The following C16orf96 variants were observed in gnomAD, a reference collection of about 807,000 sequenced individuals.
The protein encoded by C16orf96 is uncharacterized protein C16orf96.
In C16orf96, 108 loss-of-function variants were observed where a neutral mutation model predicts 103.6. The ratio of observed to expected loss-of-function variants is 1.04; its 90% confidence interval spans 0.89 to 1.22. The LOEUF is 1.22. Ranked by LOEUF, C16orf96 falls within the 50% of genes most tolerant of loss-of-function variation. C16orf96 has a pLI of 0.00. For missense variants in C16orf96, 1,586 were observed against 1,464.2 expected, an observed-to-expected ratio of 1.08 and a Z score of -1.36; for synonymous variants, 566 against 593.5, an observed-to-expected ratio of 0.95 and a Z score of 0.67.
At chr16:4,583,785 C>T (rs975078125) in intron 7 of C16orf96, among the ~76,000 whole-genome samples, 1 of 150,698 alleles carries the variant, frequency 6.6e-6, no homozygotes, top group African/African-American at 2.4e-5. Flanking sequence ...ATTAGCCAGG[C>T]GTGGTGGCGC....
chr16:4,600,067 C>T (rs1418616709), intron 15 of C16orf96, 33 bp from the exon 16 acceptor site: 2 of 1,531,908 alleles, frequency 1.3e-6, no homozygotes, highest in East Asian at 2.4e-5. Context: ...AGGTTCTTGG[C>T]ACACATCTAG....
chr16:4,548,216 G>C, the C16orf96 span, among the ~76,000 whole-genome samples: 2 of 152,268 alleles, frequency 1.3e-5, no homozygotes, highest in East Asian at 3.9e-4. Context: ...GTCAGATCAG[G>C]AGCCCACGGC....
chr16:4,578,629 G>A (rs1184338645), intron 5 of C16orf96, among the ~76,000 whole-genome samples: 1 of 151,942 alleles, frequency 6.6e-6, no homozygotes, highest in African/African-American at 2.4e-5. Context: ...GTGGTGGCGT[G>A]TGCCTGTAAT....
chr16:4,570,206 C>A (rs1044491921), intron 1 of C16orf96, among the ~76,000 whole-genome samples: 1 of 152,140 alleles, frequency 6.6e-6, no homozygotes, highest in African/African-American at 2.4e-5. Context: ...GCCTCAAGCT[C>A]CCAAAGTGCT....
At position 4,600,540 on chromosome 16, in the gene C16orf96, A is replaced by G. The variant is rs1897263201; in HGVS notation, c.*223A>G. The G allele has an allele frequency of 1.9e-5, 7 of 362,690 alleles. No homozygotes were observed. Among genetic ancestry groups the G allele is most frequent in the African/African-American group, 5.6e-5 (2 of 35,704 alleles). The allele number at this position is 362,690 out of a possible 1,614,324, so 22.5% of individuals were successfully genotyped here. On this transcript the variant is annotated 3_prime_UTR_variant, in exon 16 of 16. Coordinates refer to ENST00000444310, the MANE Select transcript of C16orf96 (RefSeq NM_001145011.2). ...CTCCACGTCCGAGGCTGAGACCCAT[A>G]TGCCCCCCCCACCCCCACCAAGTCC...
chr16:4,554,040 G>A (rs576772118), upstream of C16orf96, among the ~76,000 whole-genome samples: 1 of 152,250 alleles, frequency 6.6e-6, no homozygotes, highest in Admixed American at 6.5e-5. Flanking sequence ...CAGGGCTCCC[G>A]GTGTTAAGCC....
At chr16:4,561,165 G>T (rs892653572) in intron 1 of C16orf96, 1 of 151,810 alleles carries the variant, frequency 6.6e-6, no homozygotes, top group Non-Finnish European at 1.5e-5. Flanking sequence ...AATTAGCCTG[G>T]CGTGGTGGCG....
At chr16:4,571,047 G>C (rs2059432690) in intron 1 of C16orf96, among the ~76,000 whole-genome samples, 1 of 152,100 alleles carries the variant, frequency 6.6e-6, no homozygotes, top group Admixed American at 6.6e-5. Flanking sequence ...TTAGCTGGGC[G>C]TGGTGATGCA....
Position 4,576,077 on chromosome 16 carries a change from G to A in C16orf96, c.1597G>A (p.Gly533Ser). The A allele has an allele frequency of 6.4e-7, 1 of 1,551,496 alleles. No individual in the cohort carries two copies. Among genetic ancestry groups the A allele is most frequent in the Non-Finnish European group, 8.7e-7 (1 of 1,146,962 alleles). Residue 533 changes from glycine (G) to serine (S), a missense_variant, in exon 5 of 16, where the codon GGT becomes AGT. Physicochemically the swap from Gly to Ser is moderately conservative, Grantham distance 56. Transcript: ENST00000444310. ...CAAGGATGATGTCCCCAAAGATAGAGGTGGCAAAGATGGGGACCCCAAGGA... is the reference window on the plus strand; with the variant it reads ...CAAGGATGATGTCCCCAAAGATAGAAGTGGCAAAGATGGGGACCCCAAGGA... ...AHKDDVPKDRGGKDGDPKDRV... is the reference protein window; with the variant it reads ...AHKDDVPKDRSGKDGDPKDRV...
In C16orf96 at chr16:4,593,098, G is replaced by A; in HGVS notation, c.2775-126G>A. ...TGCTGTGGACGCTTCTGGCATTCGAGGGTGGTGACCTGAGTCTGCACCTCC... is the reference window on the plus strand; with the variant it reads ...TGCTGTGGACGCTTCTGGCATTCGAAGGTGGTGACCTGAGTCTGCACCTCC... On this transcript the variant is annotated intron_variant, in intron 11 of 15. Transcript: ENST00000444310. This position sits in a 1 kb window ranked among gnomAD's most constrained non-coding sequence, Gnocchi z 4.2. The A allele has an allele frequency of 1.2e-6, 1 of 858,812 alleles. No homozygotes were observed. 53.2% of individuals were successfully genotyped at this position (858,812 alleles called of 1,614,324 possible). A position where few individuals can be genotyped will look rare whatever the true frequency, so the allele number is the denominator to read the frequency against.
At chr16:4,592,181 G>T in intron 10 of C16orf96, 124 bp from the exon 11 acceptor site, 3 of 1,185,530 alleles carry the variant, frequency 2.5e-6, no homozygotes, top group Admixed American at 2.0e-5. Context: ...TGCAGGGCCT[G>T]TGGGGCTGAG....
intron 7 of C16orf96, 85 bp downstream of exon 7, chr16:4,580,210 C>T: frequency 9.2e-7 from 1 of 1,083,554 alleles, no homozygotes; most frequent in Non-Finnish European, 1.3e-6. Flanking sequence ...GAAGGTTCTG[C>T]ATGAGGTGGG....
In C16orf96 at chr16:4,593,321, G is replaced by A. The variant is rs755585746; in HGVS notation, c.2867+5G>A. On this transcript the variant is annotated splice_donor_5th_base_variant and intron_variant, in intron 12 of 15. Transcript: ENST00000444310. This position sits in a 1 kb window ranked among gnomAD's most constrained non-coding sequence, Gnocchi z 4.2. ...CTTGCAGCGGCAACAGATGAGGTGA[G>A]CAGGATGGGCGCCCCGCAGGGAGGC... The A allele has an allele frequency of 6.5e-7, 1 of 1,550,034 alleles. No individual in the cohort carries two copies. Among genetic ancestry groups the A allele is most frequent in the African/African-American group, 1.4e-5 (1 of 73,010 alleles).
rs145211572 is a variant in C16orf96, at chr16:4,590,286, C to T, written c.2593-1380C>T. ...TTAAAAAACTATTTTTGGCCAGGCG[C>T]GGTGGCTCACACCTGTAATCCCAGC... is the stretch of plus-strand genomic sequence containing the variant. On this transcript the variant is annotated intron_variant, in intron 9 of 15. Transcript: ENST00000444310. Among the ~76,000 whole-genome samples, 440 of 152,058 alleles carry T rather than the reference C, an allele frequency of 2.9e-3. 3 individuals carry two copies. Among genetic ancestry groups the T allele is most frequent in the African/African-American group, 0.01 (427 of 41,462 alleles).
chr16:4,581,289 T>G (rs977299656), intron 7 of C16orf96, among the ~76,000 whole-genome samples: 1 of 147,476 alleles, frequency 6.8e-6, no homozygotes, highest in Admixed American at 6.8e-5. Context: ...GAGCTGAGAT[T>G]GCGCCATTGC....
chr16:4,575,294 C>T lies in C16orf96; in HGVS notation c.814C>T (p.Gln272Ter), dbSNP rs1364898107. The part of the protein sequence containing the change: ...TRAIQVSEPV[Q>*]NPQLLQTVWH... The stretch of plus-strand genomic sequence containing the variant: ...TGCCATCCAGGTCTCCGAGCCCGTC[C>T]AAAACCCCCAGCTACTGCAGACTGT... Residue 272 changes from glutamine to a stop codon, truncating the protein, a stop_gained, in exon 5 of 16, where the codon CAA becomes TAA. Coordinates refer to ENST00000444310, the MANE Select transcript of C16orf96 (RefSeq NM_001145011.2). LOFTEE classifies it high-confidence loss of function. The T allele has an allele frequency of 1.0e-5, 16 of 1,551,028 alleles. No homozygotes were observed. The highest frequency in any genetic ancestry group is 1.4e-5 in the Non-Finnish European group (16 of 1,147,006).
At chr16:4,579,146 G>T in intron 6 of C16orf96, 121 bp downstream of exon 6, 1 of 896,362 alleles carries the variant, frequency 1.1e-6, no homozygotes, top group Admixed American at 2.5e-5. Context: ...CAGGCTGGGG[G>T]AAAGCGAGCT....
chr16:4,579,895 G>A (rs978907251), intron 6 of C16orf96, 120 bp from the exon 7 acceptor site: 8 of 791,488 alleles, frequency 1.0e-5, no homozygotes, highest in Non-Finnish European at 1.6e-5. Flanking sequence ...ACAGGCATGA[G>A]CCACCACGCC....
rs115725096 is a variant in C16orf96 at position 4,574,645 on chromosome 16, C to T, written c.526-64C>T. The T allele has an allele frequency of 6.5e-4, 871 of 1,346,620 alleles. 4 individuals carry two copies. In the African/African-American group the frequency reaches 0.011, roughly 17 times the overall value. The allele number at this position is 1,346,620 out of a possible 1,614,324, so 83.4% of individuals were successfully genotyped here. On this transcript the variant is annotated intron_variant, in intron 2 of 15. Transcript: ENST00000444310. ...TCAAGCTCTTAGTCACCTAGAGCCA[C>T]GGGAAAAGGCAGGGGTGGGACAGAA... is the stretch of plus-strand genomic sequence containing the variant.
Sources: gnomAD v4.1 joint callset for allele counts (sites outside exome capture counted in the v4.1 genomes callset) on GRCh38, gnomAD v4.1.1 for gene constraint, Gnocchi (gnomAD v3.1) non-coding constraint, MANE v1.5 for transcripts, NCBI Gene and HGNC (gene_info 2026-07-23, HGNC 2026-07-21) for gene names.